The following PLB1 variants were observed in gnomAD, a reference collection of about 807,000 sequenced individuals.
The protein encoded by PLB1 is phospholipase B1, membrane-associated.
A neutral mutation model predicts 227.4 loss-of-function variants in PLB1; 242 were observed. The ratio of observed to expected loss-of-function variants is 1.06; its 90% CI spans 0.96 to 1.18. The LOEUF (loss-of-function observed/expected upper bound fraction) is 1.18, where lower values mean the gene tolerates loss of function less well. Among genes scored for constraint, PLB1 ranks in the 50% most tolerant of loss-of-function variants. The pLI, the probability that PLB1 is intolerant of heterozygous loss-of-function variation, is 0.00. For missense variants in PLB1, 1,858 were observed against 1,816.3 expected (o/e 1.02, Z -0.42); for synonymous variants, 757 against 682.2 (o/e 1.11, Z -1.71).
intron 12 of PLB1, 23 bp from the exon 13 acceptor site, chr2:28,541,684 C>A: frequency 6.3e-7 from 1 of 1,586,438 alleles, no homozygotes; most frequent in Non-Finnish European, 8.7e-7. Flanking sequence ...CCTGGATGGG[C>A]ACCTCTCTGC....
At chr2:28,632,906 CTT>C in intron 55 of PLB1, 36 bp from the exon 56 acceptor site, 1 of 1,530,992 alleles carries the variant, frequency 6.5e-7, no homozygotes, top group South Asian at 1.1e-5. Flanking sequence ...TAGCAGAGCC[CTT>C]TCCCAGGATG....
intron 1 of PLB1, among the ~76,000 whole-genome samples, chr2:28,512,577 G>C (rs917031768): frequency 1.3e-5 from 2 of 151,920 alleles, no homozygotes; most frequent in African/African-American, 2.4e-5. Flanking sequence ...TTTTTCTGAG[G>C]GTCGTCAATT....
chr2:28,508,149 A>G (rs1396262991), intron 1 of PLB1, among the ~76,000 whole-genome samples: 2 of 152,246 alleles, frequency 1.3e-5, no homozygotes, highest in Admixed American at 1.3e-4. Context: ...CTTTGGTCTC[A>G]GGGAAAGCGT....
chr2:28,589,714 T>C lies in PLB1; in HGVS notation c.1960T>C (p.Phe654Leu). 6.2e-7 allele frequency: 1 copy of C among 1,614,110 alleles called. No individual in the cohort carries two copies. The highest frequency in any genetic ancestry group is 8.5e-7 in the Non-Finnish European group (1 of 1,180,034). ...PDNSFFAPDC[F>L]HFSSKSHSRA... ...CAACTCTTTCTTCGCTCCTGACTGTTTCCACTTCAGCAGCAAGTCTCACTC... is the reference window on the plus strand; with the variant it reads ...CAACTCTTTCTTCGCTCCTGACTGTCTCCACTTCAGCAGCAAGTCTCACTC... Residue 654 changes from phenylalanine (F) to leucine (L), a missense_variant, in exon 28 of 58, where the codon TTC (phenylalanine) becomes CTC (leucine). Coordinates refer to ENST00000327757, the MANE Select transcript of PLB1 (RefSeq NM_153021.5).
At chr2:28,536,074 A>G (rs1325092405) in intron 9 of PLB1, among the ~76,000 whole-genome samples, 1 of 152,196 alleles carries the variant, frequency 6.6e-6, no homozygotes, top group African/African-American at 2.4e-5. Context: ...CGAGAAAAAC[A>G]TGTTTTACCC....
intron 20 of PLB1, among the ~76,000 whole-genome samples, chr2:28,567,673 C>T (rs1424001987): frequency 6.6e-6 from 1 of 151,994 alleles, no homozygotes; most frequent in Non-Finnish European, 1.5e-5. Flanking sequence ...AGGGTTTCAC[C>T]ATGTTGGCCA....
At chr2:28,573,442 G>T (rs1378100544) in intron 21 of PLB1, 137 bp downstream of exon 21, 2 of 664,798 alleles carry the variant, frequency 3.0e-6, no homozygotes, top group Admixed American at 4.9e-5. Context: ...AGCCTGGACA[G>T]AGCTCTCTTG....
At chr2:28,571,573 C>T (rs113925892) in intron 20 of PLB1, among the ~76,000 whole-genome samples, 2 of 151,978 alleles carry the variant, frequency 1.3e-5, no homozygotes, top group East Asian at 1.9e-4. Context: ...GTAATCAAGA[C>T]GTGGTACTAG....
chr2:28,607,996 A>G (rs1009362612), intron 43 of PLB1, among the ~76,000 whole-genome samples: 1 of 152,142 alleles, frequency 6.6e-6, no homozygotes, highest in African/African-American at 2.4e-5. Flanking sequence ...CTTCGAGGCA[A>G]CCACTTCCAG....
intron 8 of PLB1, among the ~76,000 whole-genome samples, chr2:28,531,827 C>G (rs1433112257): frequency 1.3e-5 from 2 of 151,996 alleles, no homozygotes; most frequent in East Asian, 3.9e-4. Context: ...TTCACGTATC[C>G]TTGTTTCCTT....
intron 9 of PLB1, among the ~76,000 whole-genome samples, chr2:28,533,409 C>A (rs562933482): frequency 1.3e-5 from 2 of 152,190 alleles, no homozygotes; most frequent in Non-Finnish European, 2.9e-5. Context: ...CCACAGCCCC[C>A]CTTTTTGGTC....
chr2:28,519,763 T>C lies in PLB1; in HGVS notation c.243T>C (p.Ile81=), dbSNP rs991546426. The change falls in exon 4 of 58, where the codon ATT becomes ATC. Residue 81 remains isoleucine (I), a splice_region_variant and synonymous_variant. Coordinates refer to ENST00000327757, the MANE Select transcript of PLB1 (RefSeq NM_153021.5). ...KFVAAIGNLE[I]PPDPGTGDLE... is the part of the protein sequence containing the mutation. ...TGGCAGCCATTGGCAATCTGGAAAT[T>C]GTGAGTATTTGAAGTAGCTTGGGGC... 2.5e-6 allele frequency: 4 copies of C among 1,609,080 alleles called. No homozygotes were observed. Among genetic ancestry groups the C allele is most frequent in the Non-Finnish European group, 2.6e-6 (3 of 1,175,528 alleles).
intron 39 of PLB1, among the ~76,000 whole-genome samples, chr2:28,603,251 AAACTGT>A (rs1288536049): frequency 6.6e-5 from 10 of 152,236 alleles, no homozygotes; most frequent in African/African-American, 2.4e-4. Context: ...ATATGTGGTC[AAACTGT>A]AACAGAAAGC....
intron 13 of PLB1, among the ~76,000 whole-genome samples, chr2:28,542,301 T>C (rs1180792262): frequency 6.6e-6 from 1 of 152,174 alleles, no homozygotes; most frequent in South Asian, 2.1e-4. Context: ...TACTTTCCTG[T>C]ACAATTTCCT....
At chr2:28,551,008 G>A (rs1394208427) in intron 16 of PLB1, among the ~76,000 whole-genome samples, 1 of 152,172 alleles carries the variant, frequency 6.6e-6, no homozygotes, top group African/African-American at 2.4e-5. Context: ...TTCATCTTCC[G>A]AGCTGCCTCC....
chr2:28,617,911 C>T lies in PLB1; in HGVS notation c.3256+124C>T, dbSNP rs1370163964. The T allele has an allele frequency of 4.1e-6, 4 of 968,898 alleles. No individual in the cohort carries two copies. The African/African-American group carries it at 4.8e-5, about 12-fold the overall frequency. 60.0% of individuals were successfully genotyped at this position (968,898 alleles called of 1,614,324 possible). A position where few individuals can be genotyped will look rare whatever the true frequency, so the allele number is the denominator to read the frequency against. On this transcript the variant is annotated intron_variant, in intron 45 of 57. Coordinates refer to ENST00000327757, the MANE Select transcript of PLB1 (RefSeq NM_153021.5). ...TTGCTAATTCCCCTGCAGTGCAGAC[C>T]TAGATCCTGCGGCCTGCCGCCACAG...
chr2:28,568,194 TC>T (rs1236246558), intron 20 of PLB1, among the ~76,000 whole-genome samples: 1 of 152,222 alleles, frequency 6.6e-6, no homozygotes, highest in African/African-American at 2.4e-5. Context: ...ATAAATCAGT[TC>T]CTCTATTGCT....
Position 28,628,596 on chromosome 2 carries a change from A to G in PLB1, c.3694A>G (p.Ile1232Val). 1 of 1,614,128 alleles carries G rather than the reference A, an allele frequency of 6.2e-7. No individual in the cohort carries two copies. Among genetic ancestry groups the G allele is most frequent in the East Asian group, 2.2e-5 (1 of 44,870 alleles). The change falls in exon 52 of 58, where the codon ATC (isoleucine) becomes GTC (valine). Residue 1232 changes from isoleucine to valine, a missense_variant. Coordinates refer to ENST00000327757, the MANE Select transcript of PLB1 (RefSeq NM_153021.5). ...CTTGGCCACGGAATATGTTCAGCACATCCAACAGGCCCTGGACATCCTCTC... is the reference window on the plus strand; with the variant it reads ...CTTGGCCACGGAATATGTTCAGCACGTCCAACAGGCCCTGGACATCCTCTC... ...AHLATEYVQH[I>V]QQALDILSEE...
At chr2:28,515,106 G>A (rs1668688974) in intron 1 of PLB1, among the ~76,000 whole-genome samples, 2 of 152,238 alleles carry the variant, frequency 1.3e-5, no homozygotes, top group Admixed American at 1.3e-4. Context: ...GCTTAGAACA[G>A]TGCCTGGCAC....
Sources: allele counts gnomAD v4.1 joint callset (sites outside exome capture counted in the v4.1 genomes callset), GRCh38; gene constraint gnomAD v4.1.1; transcripts MANE v1.5; gene names NCBI Gene and HGNC (gene_info 2026-07-23, HGNC 2026-07-21).